Variants in CNBD1 observed in about 807,000 individuals in gnomAD.
The protein encoded by CNBD1 is cyclic nucleotide-binding domain-containing protein 1.
In CNBD1, 71 loss-of-function variants were observed where a neutral mutation model predicts 54.4. The ratio of observed to expected loss-of-function variants is 1.30; its 90% CI spans 1.08 to 1.59. The LOEUF (loss-of-function observed/expected upper bound fraction) is 1.59. Ranked by LOEUF, CNBD1 falls within the 40% of genes most tolerant of loss-of-function variation. The probability of loss-of-function intolerance (pLI) is 0.00; values close to 1 mark genes in which losing one functional copy is unlikely to be tolerated. For synonymous variants in CNBD1, 182 were observed against 170.7 expected (o/e 1.07, Z -0.51); for missense variants, 659 against 518.0 (o/e 1.27, Z -2.64).
chr8:87,225,389 C>T (rs1316342374), intron 5 of CNBD1, among the ~76,000 whole-genome samples: 1 of 151,950 alleles, frequency 6.6e-6, no homozygotes, highest in Non-Finnish European at 1.5e-5. Flanking sequence ...TTTGTCATAG[C>T]TCTTATTATT....
chr8:86,886,448 A>G (rs888279136), intron 1 of CNBD1, among the ~76,000 whole-genome samples: 1 of 152,200 alleles, frequency 6.6e-6, no homozygotes, highest in African/African-American at 2.4e-5. Context: ...TTTATATGAT[A>G]TGATATGGAT....
At chr8:87,150,658 T>G (rs1424296187) in intron 4 of CNBD1, among the ~76,000 whole-genome samples, 1 of 152,172 alleles carries the variant, frequency 6.6e-6, no homozygotes, top group Non-Finnish European at 1.5e-5. Flanking sequence ...GGCAGGTCGA[T>G]TTTTAAGCTC....
At chr8:87,025,428 G>T (rs920355657) in intron 4 of CNBD1, among the ~76,000 whole-genome samples, 17 of 152,194 alleles carry the variant, frequency 1.1e-4, no homozygotes, top group African/African-American at 3.9e-4. Flanking sequence ...AAGGTCTGTG[G>T]CTTTACTCCT....
chr8:86,929,282 A>T (rs965376599), intron 3 of CNBD1, among the ~76,000 whole-genome samples: 1 of 152,108 alleles, frequency 6.6e-6, no homozygotes, highest in Non-Finnish European at 1.5e-5. Flanking sequence ...ATATTGTACC[A>T]TGGGCATGTA....
At chr8:87,391,276 G>A (rs56064228) in intron 2 of CNBD1, among the ~76,000 whole-genome samples, 7,750 of 151,704 alleles carry the variant, frequency 0.051, 650 homozygotes, top group African/African-American at 0.18. Flanking sequence ...AAAAGATAAC[G>A]ATTGCAGATA....
chr8:87,044,208 G>A (rs376208023), intron 4 of CNBD1, among the ~76,000 whole-genome samples: 1 of 150,732 alleles, frequency 6.6e-6, no homozygotes, highest in African/African-American at 2.4e-5. Flanking sequence ...ATATGTTTTT[G>A]TGGGTTTTTT....
chr8:87,135,297 G>T (rs192089238), intron 4 of CNBD1, among the ~76,000 whole-genome samples: 5 of 151,868 alleles, frequency 3.3e-5, no homozygotes, highest in Admixed American at 1.3e-4. Context: ...CTAAGAGATG[G>T]AAAAGCAAAT....
chr8:86,971,139 T>A (rs947898396), intron 4 of CNBD1, among the ~76,000 whole-genome samples: 1 of 152,182 alleles, frequency 6.6e-6, no homozygotes, highest in Non-Finnish European at 1.5e-5. Flanking sequence ...GGGCAACTTA[T>A]AAAGAAAATA....
intron 4 of CNBD1, among the ~76,000 whole-genome samples, chr8:86,970,421 T>G (rs1244774662): frequency 6.6e-6 from 1 of 152,222 alleles, no homozygotes; most frequent in African/African-American, 2.4e-5. Flanking sequence ...TAGCTAGGAC[T>G]TATCTGGTGT....
chr8:87,228,079 T>C (rs1586346078), intron 5 of CNBD1, among the ~76,000 whole-genome samples: 1 of 151,726 alleles, frequency 6.6e-6, no homozygotes, highest in Admixed American at 6.6e-5. Context: ...CGAGCCTTGG[T>C]TTTCAGCTCC....
intron 4 of CNBD1, among the ~76,000 whole-genome samples, chr8:87,007,951 CT>C (rs1309200117): frequency 3.3e-5 from 5 of 152,042 alleles, no homozygotes; most frequent in Non-Finnish European, 7.4e-5. Context: ...ATAAGTGATA[CT>C]TGAGGTGAGG....
At chr8:87,211,759 T>A (rs1386585467) in intron 5 of CNBD1, among the ~76,000 whole-genome samples, 1 of 152,212 alleles carries the variant, frequency 6.6e-6, no homozygotes, top group Non-Finnish European at 1.5e-5. Flanking sequence ...TGCAGAGCCA[T>A]GAGCCAATTA....
chr8:87,019,216 G>C (rs1809431417), intron 4 of CNBD1, among the ~76,000 whole-genome samples: 2 of 152,140 alleles, frequency 1.3e-5, no homozygotes, highest in Non-Finnish European at 1.5e-5. Context: ...TTTTCCTTTT[G>C]GTTTTTCTAT....
chr8:87,341,895 C>T (rs139888184), intron 8 of CNBD1, among the ~76,000 whole-genome samples: 9 of 151,400 alleles, frequency 5.9e-5, no homozygotes, highest in South Asian at 4.1e-4. Flanking sequence ...TATAGCAGTA[C>T]GAAACAGACT....
chr8:87,236,095 A>C (rs530620307), intron 5 of CNBD1, among the ~76,000 whole-genome samples: 1 of 152,274 alleles, frequency 6.6e-6, no homozygotes, highest in Admixed American at 6.5e-5. Flanking sequence ...CAATTTGTAA[A>C]GTTTCTAATT....
At chr8:87,152,380 A>G (rs1812622769) in intron 4 of CNBD1, among the ~76,000 whole-genome samples, 1 of 152,002 alleles carries the variant, frequency 6.6e-6, no homozygotes, top group Non-Finnish European at 1.5e-5. Flanking sequence ...GCCACATTGG[A>G]AGAAGAATTG....
At chr8:87,371,629 C>T (rs951993749) in intron 10 of CNBD1, among the ~76,000 whole-genome samples, 2 of 151,960 alleles carry the variant, frequency 1.3e-5, no homozygotes, top group African/African-American at 2.4e-5. Flanking sequence ...CATCAAAAAG[C>T]TTATCCACTA....
chr8:87,266,494 C>T (rs1808262587), intron 6 of CNBD1, among the ~76,000 whole-genome samples: 1 of 117,744 alleles, frequency 8.5e-6, no homozygotes, highest in Non-Finnish European at 1.6e-5. Flanking sequence ...TCTTGCTGCC[C>T]AGGCTGCAGT....
intron 1 of CNBD1, among the ~76,000 whole-genome samples, chr8:86,876,129 G>T (rs145291089): frequency 1.9e-3 from 286 of 151,974 alleles, no homozygotes; most frequent in African/African-American, 6.5e-3. Flanking sequence ...CTTCCATGAA[G>T]ATTTGATGGA....
Sources: allele counts gnomAD v4.1 joint callset (sites outside exome capture counted in the v4.1 genomes callset), GRCh38; gene constraint gnomAD v4.1.1; transcripts MANE v1.5; gene names NCBI Gene and HGNC (gene_info 2026-07-23, HGNC 2026-07-21).